CDYL: variants seen among roughly 807,000 people sequenced by gnomAD.
CDYL encodes the protein chromodomain Y like, also known as chromodomain Y-like protein.
CDYL carries 8 observed loss-of-function variants against 47.3 expected under a neutral mutation model. The ratio of observed to expected loss-of-function variants is 0.17; its 90% CI spans 0.10 to 0.31. The LOEUF (loss-of-function observed/expected upper bound fraction) is 0.31. Among genes scored for constraint, CDYL ranks in the 10% least tolerant of loss-of-function variants. The pLI is 1.00. For synonymous variants in CDYL, 266 were observed against 265.0 expected (o/e 1.00, Z -0.04); for missense variants, 471 against 701.4 (o/e 0.67, Z 3.71).
chr6:4,844,001 CT>C (rs1407267635), intron 1 of CDYL, among the ~76,000 whole-genome samples: 2 of 152,154 alleles, frequency 1.3e-5, no homozygotes, highest in African/African-American at 2.4e-5. Flanking sequence ...TATTCAGATT[CT>C]TTTGTCCCAT....
chr6:4,891,896 A>G lies in CDYL; in HGVS notation c.208A>G (p.Arg70Gly). The G allele has an allele frequency of 3.1e-6, 5 of 1,614,210 alleles. No homozygotes were observed. Among genetic ancestry groups the G allele is most frequent in the Non-Finnish European group, 4.2e-6 (5 of 1,180,040 alleles). ...GAAGCAGAAGGAGAGCACATTGACC[A>G]GAACAAACAGGACCTCTCCCAACAA... is the stretch of plus-strand genomic sequence containing the variant. ...TEKQKESTLT[R>G]TNRTSPNNAR... Residue 70 changes from arginine to glycine, a missense_variant, in exon 2 of 7, where the codon AGA becomes GGA. Around this residue, in one of 3 missense-constraint regions of CDYL, gnomAD observed 311 missense variants for 350.0 expected, o/e 0.89. Transcript: ENST00000397588.
intron 4 of CDYL, 46 bp from the exon 5 acceptor site, chr6:4,943,500 A>T: frequency 1.5e-6 from 2 of 1,338,116 alleles, no homozygotes; most frequent in Non-Finnish European, 2.1e-6. Context: ...TCCTTTGCTC[A>T]AATATGCAAT....
intron 2 of CDYL, among the ~76,000 whole-genome samples, chr6:4,732,304 C>T (rs7761026): frequency 0.14 from 21,397 of 151,688 alleles, 1,959 homozygotes; most frequent in African/African-American, 0.28. Context: ...CACCGCACCC[C>T]AGCCTGGGCA....
chr6:4,945,609 C>T (rs962193547), intron 5 of CDYL, among the ~76,000 whole-genome samples: 2 of 152,238 alleles, frequency 1.3e-5, no homozygotes, highest in Non-Finnish European at 2.9e-5. Context: ...GAGGAACAAG[C>T]AGCACCGGCC....
At chr6:4,926,972 C>CAGCTGGTGTGATGT (rs1561713018) in intron 2 of CDYL, among the ~76,000 whole-genome samples, 1 of 152,162 alleles carries the variant, frequency 6.6e-6, no homozygotes, top group African/African-American at 2.4e-5. Flanking sequence ...AGGTGTGATG[C>CAGCTGGTGTGATGT]AAATGGCAGC....
At chr6:4,760,267 C>T (rs1758154478) in intron 3 of CDYL, among the ~76,000 whole-genome samples, 2 of 151,686 alleles carry the variant, frequency 1.3e-5, no homozygotes. Flanking sequence ...ATCCTGGGAG[C>T]TTAGAGGGTC....
chr6:4,819,296 A>T (rs137923816), intron 1 of CDYL, among the ~76,000 whole-genome samples: 1 of 152,126 alleles, frequency 6.6e-6, no homozygotes. Context: ...AAATTTGGGG[A>T]TACTTTATTC....
intron 1 of CDYL, among the ~76,000 whole-genome samples, chr6:4,786,485 T>TA (rs1469630756): frequency 1.3e-5 from 2 of 152,180 alleles, no homozygotes. Context: ...TGGTGAAATG[T>TA]AAATAAGATT....
At chr6:4,923,927 A>T (rs1020243080) in intron 2 of CDYL, among the ~76,000 whole-genome samples, 1 of 151,844 alleles carries the variant, frequency 6.6e-6, no homozygotes, top group Non-Finnish European at 1.5e-5. Flanking sequence ...ATCAAAAAAA[A>T]AAAAGAGTTC....
Position 4,891,957 on chromosome 6 carries a change from A to C in CDYL, c.269A>C (p.Asn90Thr). ...RKQISRSTNSNFSKTSPKALV... is the reference protein window; with the variant it reads ...RKQISRSTNSTFSKTSPKALV... Reference sequence around the variant, plus strand: ...CAAATCTCCAGATCCACCAACAGCAACTTTTCTAAGACCTCTCCTAAGGCA... The same window carrying C: ...CAAATCTCCAGATCCACCAACAGCACCTTTTCTAAGACCTCTCCTAAGGCA... The change falls in exon 2 of 7, where the codon AAC (asparagine) becomes ACC (threonine). Residue 90 changes from asparagine (N) to threonine (T), a missense_variant. By Grantham distance (65) the Asn-to-Thr change is moderately conservative (BLOSUM62 0). Transcript: ENST00000397588. The C allele has an allele frequency of 6.2e-7, 1 of 1,614,154 alleles. No homozygotes were observed. The highest frequency in any genetic ancestry group is 8.5e-7 in the Non-Finnish European group (1 of 1,180,030).
At chr6:4,932,292 T>G (rs574839291) in intron 2 of CDYL, among the ~76,000 whole-genome samples, 2 of 152,322 alleles carry the variant, frequency 1.3e-5, no homozygotes, top group Middle Eastern at 6.8e-3. Flanking sequence ...CAGGGTCTGC[T>G]GAGGGCTCAC....
At position 4,910,268 on chromosome 6, in the gene CDYL, G is replaced by A. The variant is rs543980227; in HGVS notation, c.691+17889G>A. On this transcript the variant is annotated intron_variant, in intron 2 of 6. Transcript: ENST00000397588. ...GGCATTAGCACCTGGAACAACACCAGGCAGTGCTCACTTGCTCAGGTTTGT... is the reference window on the plus strand; with the variant it reads ...GGCATTAGCACCTGGAACAACACCAAGCAGTGCTCACTTGCTCAGGTTTGT... 2.3e-3 allele frequency among the ~76,000 whole-genome samples: 356 copies of A among 152,270 alleles called. 1 individual carries two copies. The highest frequency in any genetic ancestry group is 8.3e-3 in the African/African-American group (344 of 41,544).
rs1326305881 is a variant in CDYL, at chr6:4,895,401, A to ATG, written c.691+3023_691+3024insGT. Among the ~76,000 whole-genome samples, 3 of 12,604 alleles carry ATG rather than the reference A, an allele frequency of 2.4e-4. 1 individual carries two copies. Among genetic ancestry groups the ATG allele is most frequent in the African/African-American group, 2.6e-4 (3 of 11,662 alleles). 8.3% of individuals were successfully genotyped at this position (12,604 alleles called of 152,430 possible). Reference sequence around the variant, plus strand: ...TGTATATATGTGCATATATGCATGTATACATGTATACGTATATATGCATGT... The same window carrying ATG: ...TGTATATATGTGCATATATGCATGTATGTACATGTATACGTATATATGCATGT... On this transcript the variant is annotated intron_variant, in intron 2 of 6. Coordinates refer to ENST00000397588, the MANE Select transcript of CDYL (RefSeq NM_004824.4).
In CDYL at chr6:4,811,989, G is replaced by T. The variant is rs188036558; in HGVS notation, c.24+35182G>T. 2.0e-5 allele frequency among the ~76,000 whole-genome samples: 3 copies of T among 152,240 alleles called. No individual in the cohort carries two copies. In the East Asian group the frequency reaches 5.8e-4, roughly 29 times the overall value. ...TTTGCTGTCTGCAGGGTGGTCCATG[G>T]ACTGGCAGCAGCATCAAGCTTGCTG... On this transcript the variant is annotated intron_variant, in intron 1 of 6. Transcript: ENST00000397588.
intron 3 of CDYL, among the ~76,000 whole-genome samples, chr6:4,742,387 G>C (rs935289060): frequency 6.9e-6 from 1 of 145,908 alleles, no homozygotes; most frequent in Non-Finnish European, 1.5e-5. Context: ...AAAAAGAAAA[G>C]AAAAAGGAAG....
chr6:4,892,018 C>G lies in CDYL; in HGVS notation c.330C>G (p.Ser110Arg). ...VIGKDHESKN[S>R]QLFAASQKFR... ...GGAAAGACCACGAATCCAAAAACAG[C>G]CAGCTGTTTGCTGCCAGCCAGAAGT... Residue 110 changes from serine (S) to arginine (R), a missense_variant, in exon 2 of 7, where the codon AGC (serine) becomes AGG (arginine). Around this residue, in one of 3 missense-constraint regions of CDYL, gnomAD observed 311 missense variants for 350.0 expected, o/e 0.89. Coordinates refer to ENST00000397588, the MANE Select transcript of CDYL (RefSeq NM_004824.4). 1 of 1,614,212 alleles carries G rather than the reference C, an allele frequency of 6.2e-7. No homozygotes were observed. The highest frequency in any genetic ancestry group is 8.5e-7 in the Non-Finnish European group (1 of 1,180,036).
intron 1 of CDYL, among the ~76,000 whole-genome samples, chr6:4,838,448 C>T (rs1404044047): frequency 6.6e-6 from 1 of 152,174 alleles, no homozygotes; most frequent in African/African-American, 2.4e-5. Flanking sequence ...TAATGATCTC[C>T]AGTTCCATCC....
intron 5 of CDYL, 121 bp from the exon 6 acceptor site, chr6:4,952,145 C>T (rs1268408415): frequency 8.6e-7 from 1 of 1,166,750 alleles, no homozygotes; most frequent in South Asian, 1.6e-5. Flanking sequence ...GAGGATGTGC[C>T]CCATTTCCCT....
intron 3 of CDYL, among the ~76,000 whole-genome samples, chr6:4,769,635 A>T (rs1436165940): frequency 2.6e-5 from 4 of 152,186 alleles, no homozygotes; most frequent in Admixed American, 6.5e-5. Flanking sequence ...TTTTTCAATG[A>T]TTCTGCTTTG....
Sources: gnomAD v4.1 joint callset for allele counts (sites outside exome capture counted in the v4.1 genomes callset) on GRCh38, gnomAD v4.1.1 for gene constraint, gnomAD v4.1.1 regional missense constraint, MANE v1.5 for transcripts, NCBI Gene and HGNC (gene_info 2026-07-23, HGNC 2026-07-21) for gene names.